The following DTWD2 variants were observed in gnomAD, a reference collection of about 807,000 sequenced individuals.
The protein encoded by DTWD2 is tRNA-uridine aminocarboxypropyltransferase 2.
DTWD2 carries 39 observed loss-of-function variants against 31.8 expected under a neutral mutation model. The observed-to-expected ratio is 1.22, with a 90% confidence interval of 0.95 to 1.60. The LOEUF is 1.60. Among genes scored for constraint, DTWD2 ranks in the 40% most tolerant of loss-of-function variants. The probability of loss-of-function intolerance (pLI) is 0.00; values close to 1 mark genes in which losing one functional copy is unlikely to be tolerated. For synonymous variants in DTWD2, 180 were observed against 142.8 expected, an observed-to-expected ratio of 1.26 and a Z score of -1.86; for missense variants, 515 against 381.5, an observed-to-expected ratio of 1.35 and a Z score of -2.92.
chr5:118,908,556 G>C (rs942463323), intron 4 of DTWD2, among the ~76,000 whole-genome samples: 12 of 151,612 alleles, frequency 7.9e-5, no homozygotes, highest in Non-Finnish European at 2.9e-5. Flanking sequence ...AATAACAAAT[G>C]AGTAAATTCA....
chr5:118,843,787 C>T (rs1751782323), intron 5 of DTWD2, among the ~76,000 whole-genome samples: 1 of 152,156 alleles, frequency 6.6e-6, no homozygotes, highest in Non-Finnish European at 1.5e-5. Context: ...GATTAGATCC[C>T]TACTCCATCT....
chr5:118,972,792 C>T (rs1755017249), intron 1 of DTWD2, among the ~76,000 whole-genome samples: 1 of 152,342 alleles, frequency 6.6e-6, no homozygotes, highest in Admixed American at 6.5e-5. Flanking sequence ...AAGTTGGCTT[C>T]ATCCCTGGGA....
Position 118,840,823 on chromosome 5 carries a change from G to C in DTWD2, c.*94C>G. 7.6e-7 allele frequency: 1 copy of C among 1,322,334 alleles called. No homozygotes were observed. The highest frequency in any genetic ancestry group is 1.0e-6 in the Non-Finnish European group (1 of 995,334). 81.9% of individuals were successfully genotyped at this position (1,322,334 alleles called of 1,614,324 possible). A position where few individuals can be genotyped will look rare whatever the true frequency, so the allele number is the denominator to read the frequency against. On this transcript the variant is annotated 3_prime_UTR_variant, in exon 6 of 6. Coordinates refer to ENST00000510708, the MANE Select transcript of DTWD2 (RefSeq NM_173666.4). ...ATTAGTATGCAATTCTCCTTCTTTA[G>C]CAAGTCAAAAACCTACAGACCTTAA...
At chr5:118,932,574 T>C (rs1176029335) in intron 3 of DTWD2, among the ~76,000 whole-genome samples, 1 of 152,200 alleles carries the variant, frequency 6.6e-6, no homozygotes, top group Non-Finnish European at 1.5e-5. Flanking sequence ...AAAAATCACC[T>C]TTAAAGAAGT....
At chr5:118,856,037 C>T (rs1169315791) in intron 4 of DTWD2, among the ~76,000 whole-genome samples, 3 of 152,100 alleles carry the variant, frequency 2.0e-5, no homozygotes, top group African/African-American at 7.2e-5. Flanking sequence ...ATGACTGACA[C>T]CGTCAGTATG....
chr5:118,962,403 G>C (rs1167162102), intron 1 of DTWD2, among the ~76,000 whole-genome samples: 7 of 152,032 alleles, frequency 4.6e-5, no homozygotes, highest in Admixed American at 1.3e-4. Context: ...CCTATATACA[G>C]CTAAGAATTG....
intron 1 of DTWD2, among the ~76,000 whole-genome samples, chr5:118,960,748 TA>T (rs147032865): frequency 1.1e-4 from 16 of 150,714 alleles, no homozygotes; most frequent in East Asian, 5.8e-4. Context: ...TATGCAGCCA[TA>T]AAAAAAAACA....
chr5:118,988,092 G>A, intron 1 of DTWD2: 1 of 730,132 alleles, frequency 1.4e-6, no homozygotes, highest in Non-Finnish European at 2.4e-6. Flanking sequence ...CAGGAAGTAA[G>A]GTTAGATAAT....
intron 4 of DTWD2, among the ~76,000 whole-genome samples, chr5:118,876,013 C>G (rs1323556705): frequency 6.6e-6 from 1 of 152,058 alleles, no homozygotes; most frequent in East Asian, 1.9e-4. Context: ...TCTCTTGGAC[C>G]ACAACACAAT....
In DTWD2 at chr5:118,839,160, T is replaced by G. The variant is rs1207231061; in HGVS notation, c.*1757A>C. The G allele has an allele frequency of 1.4e-5, 2 of 139,350 alleles. No homozygotes were observed. Among genetic ancestry groups the G allele is most frequent in the Non-Finnish European group, 2.9e-5 (2 of 67,904 alleles). The allele number at this position is 139,350 out of a possible 1,614,324, so 8.6% of individuals were successfully genotyped here. A position where few individuals can be genotyped will look rare whatever the true frequency, so the allele number is the denominator to read the frequency against. ...CTGGGCGACAGAGCGAGATTCCATC[T>G]CAAATAATAATAATAATAATAATAA... On this transcript the variant is annotated 3_prime_UTR_variant, in exon 6 of 6. Transcript: ENST00000510708.
chr5:118,942,069 C>G (rs1754216418), intron 2 of DTWD2, among the ~76,000 whole-genome samples: 1 of 152,112 alleles, frequency 6.6e-6, no homozygotes, highest in African/African-American at 2.4e-5. Context: ...TTTGTAGATT[C>G]TGGATATTAG....
intron 5 of DTWD2, among the ~76,000 whole-genome samples, chr5:118,844,929 G>A (rs1456604481): frequency 6.6e-6 from 1 of 152,016 alleles, no homozygotes; most frequent in Non-Finnish European, 1.5e-5. Context: ...AATCCCCTAG[G>A]AGTTCAAGAC....
intron 4 of DTWD2, among the ~76,000 whole-genome samples, chr5:118,879,757 A>G (rs1752700175): frequency 6.6e-6 from 1 of 152,184 alleles, no homozygotes; most frequent in South Asian, 2.1e-4. Flanking sequence ...AGTGATGAGA[A>G]CACAGGAATA....
At chr5:118,943,595 G>C (rs965689638) in intron 2 of DTWD2, among the ~76,000 whole-genome samples, 13 of 151,660 alleles carry the variant, frequency 8.6e-5, no homozygotes, top group Non-Finnish European at 1.9e-4. Context: ...CCACCAAATG[G>C]AGTAGTTAAC....
intron 4 of DTWD2, among the ~76,000 whole-genome samples, chr5:118,898,322 G>A (rs1188284736): frequency 6.6e-6 from 1 of 152,040 alleles, no homozygotes; most frequent in East Asian, 1.9e-4. Flanking sequence ...AAAAATTAAT[G>A]TACAACATTA....
intron 1 of DTWD2, among the ~76,000 whole-genome samples, chr5:118,971,886 G>A (rs1343177829): frequency 2.0e-5 from 3 of 152,140 alleles, no homozygotes; most frequent in South Asian, 4.1e-4. Flanking sequence ...GATAAATTAC[G>A]AAATTAAGGC....
At chr5:118,879,395 G>A (rs1752690226) in intron 4 of DTWD2, among the ~76,000 whole-genome samples, 1 of 152,026 alleles carries the variant, frequency 6.6e-6, no homozygotes, top group South Asian at 2.1e-4. Flanking sequence ...TTGACTTTGG[G>A]AGGTCAAGAG....
At chr5:118,986,075 T>C (rs1755420128) in intron 1 of DTWD2, among the ~76,000 whole-genome samples, 1 of 152,188 alleles carries the variant, frequency 6.6e-6, no homozygotes, top group Non-Finnish European at 1.5e-5. Flanking sequence ...TTTTACCAAG[T>C]AGTTCAACAA....
chr5:118,914,090 G>A (rs748306309), intron 4 of DTWD2, among the ~76,000 whole-genome samples: 8 of 152,030 alleles, frequency 5.3e-5, no homozygotes, highest in Non-Finnish European at 8.8e-5. Context: ...TAAAAGCCTA[G>A]GGAAGTTTTG....
Sources: allele counts gnomAD v4.1 joint callset (sites outside exome capture counted in the v4.1 genomes callset), GRCh38; gene constraint gnomAD v4.1.1; transcripts MANE v1.5; gene names NCBI Gene and HGNC (gene_info 2026-07-23, HGNC 2026-07-21).